Variants in PTPRD observed in about 807,000 individuals in gnomAD.
The protein encoded by PTPRD is receptor-type tyrosine-protein phosphatase delta.
A neutral mutation model predicts 214.5 loss-of-function variants in PTPRD; 34 were observed. That is an observed-to-expected ratio of 0.16 (90% CI 0.12 to 0.21). The LOEUF is 0.21. Among genes scored for constraint, PTPRD ranks in the 10% least tolerant of loss-of-function variants. The pLI is 1.00. For synonymous variants in PTPRD, 1,128 were observed against 845.7 expected (o/e 1.33, Z -5.79); for missense variants, 2,545 against 2,398.7 (o/e 1.06, Z -1.27).
At chr9:8,788,983 A>C (rs2096113090) in intron 11 of PTPRD, among the ~76,000 whole-genome samples, 1 of 152,192 alleles carries the variant, frequency 6.6e-6, no homozygotes, top group Admixed American at 6.5e-5. Context: ...CTAGCTATAT[A>C]TATGCATCAC....
At chr9:9,968,705 C>A (rs1376103406) in intron 4 of PTPRD, among the ~76,000 whole-genome samples, 2 of 151,946 alleles carry the variant, frequency 1.3e-5, no homozygotes, top group East Asian at 3.9e-4. Flanking sequence ...TCTTCCACTC[C>A]TACAAAAAAG....
chr9:8,944,075 A>G (rs2099049791), intron 11 of PTPRD, among the ~76,000 whole-genome samples: 1 of 152,048 alleles, frequency 6.6e-6, no homozygotes, highest in Non-Finnish European at 1.5e-5. Flanking sequence ...TAGTAATCTG[A>G]TTCAAAAATG....
chr9:10,556,297 C>G lies in PTPRD; in HGVS notation c.-600+56101G>C, dbSNP rs550756827. On this transcript the variant is annotated intron_variant, in intron 2 of 45. Transcript: ENST00000381196. ...AAATGTAAAATAATTCGAAATTTTA[C>G]AATGTATGTGATCTTAATAGAGTGG... is the stretch of plus-strand genomic sequence containing the variant. Among the ~76,000 whole-genome samples the G allele has an allele frequency of 8.6e-5, 13 of 151,104 alleles. No individual in the cohort carries two copies. In the South Asian group the frequency reaches 2.5e-3, roughly 29 times the overall value.
At chr9:9,071,347 G>T (rs1283332349) in intron 10 of PTPRD, among the ~76,000 whole-genome samples, 1 of 152,148 alleles carries the variant, frequency 6.6e-6, no homozygotes, top group Non-Finnish European at 1.5e-5. Flanking sequence ...TGCCAAATAG[G>T]TTGATTTTGA....
chr9:10,100,493 T>C (rs921976665), intron 3 of PTPRD, among the ~76,000 whole-genome samples: 8 of 151,560 alleles, frequency 5.3e-5, no homozygotes, highest in Non-Finnish European at 1.2e-4. Context: ...CACTCGGAAA[T>C]ACATTTAGAA....
chr9:8,669,804 C>T (rs1198056943), intron 12 of PTPRD, among the ~76,000 whole-genome samples: 1 of 152,058 alleles, frequency 6.6e-6, no homozygotes, highest in Non-Finnish European at 1.5e-5. Flanking sequence ...TTATGAATAA[C>T]GTGGAGGTTA....
At chr9:10,353,964 C>G (rs912730517) in intron 2 of PTPRD, among the ~76,000 whole-genome samples, 4 of 151,974 alleles carry the variant, frequency 2.6e-5, no homozygotes, top group Admixed American at 2.6e-4. Context: ...TATTAAATAA[C>G]TGAAGCATAA....
chr9:8,390,234 C>T (rs992908868), intron 36 of PTPRD, among the ~76,000 whole-genome samples: 19 of 152,106 alleles, frequency 1.2e-4, no homozygotes, highest in African/African-American at 4.1e-4. Flanking sequence ...AATGGCTTCC[C>T]CTTATACTTC....
chr9:9,420,923 T>C (rs975805559), intron 8 of PTPRD, among the ~76,000 whole-genome samples: 1 of 151,974 alleles, frequency 6.6e-6, no homozygotes, highest in Admixed American at 6.6e-5. Context: ...AGTGGTCTTT[T>C]TTCTCAGTGG....
intron 11 of PTPRD, among the ~76,000 whole-genome samples, chr9:8,848,785 T>A (rs778487000): frequency 6.7e-6 from 1 of 150,070 alleles, no homozygotes; most frequent in Non-Finnish European, 1.5e-5. Flanking sequence ...CTATGTTCCA[T>A]CTTTATTACT....
intron 14 of PTPRD, among the ~76,000 whole-genome samples, chr9:8,545,788 G>A (rs2079934039): frequency 6.6e-6 from 1 of 152,286 alleles, no homozygotes. Flanking sequence ...ATGGATACTT[G>A]TTTATAATTT....
intron 3 of PTPRD, among the ~76,000 whole-genome samples, chr9:10,325,971 G>C (rs1302262817): frequency 6.6e-6 from 1 of 151,614 alleles, no homozygotes; most frequent in Non-Finnish European, 1.5e-5. Context: ...AGATCATTTT[G>C]TTTTCACATT....
chr9:10,590,179 T>A (rs10959182), intron 2 of PTPRD, among the ~76,000 whole-genome samples: 41,184 of 151,856 alleles, frequency 0.27, 6,599 homozygotes, highest in Middle Eastern at 0.38. Context: ...TTAAGAACAA[T>A]CATACAAATT....
intron 4 of PTPRD, among the ~76,000 whole-genome samples, chr9:9,940,450 T>G (rs1284783169): frequency 6.6e-6 from 1 of 152,066 alleles, no homozygotes; most frequent in African/African-American, 2.4e-5. Context: ...ACGGAAGAGA[T>G]CCAGCTAACA....
intron 9 of PTPRD, among the ~76,000 whole-genome samples, chr9:9,199,249 A>G (rs184086845): frequency 6.6e-6 from 1 of 152,330 alleles, no homozygotes; most frequent in East Asian, 1.9e-4. Context: ...CTATTCGTGT[A>G]TTATTGCTGG....
At chr9:9,807,267 C>T (rs1311234632) in intron 5 of PTPRD, among the ~76,000 whole-genome samples, 1 of 152,064 alleles carries the variant, frequency 6.6e-6, no homozygotes, top group Non-Finnish European at 1.5e-5. Flanking sequence ...GTGGAAGATA[C>T]CCTACAAATG....
intron 8 of PTPRD, among the ~76,000 whole-genome samples, chr9:9,555,848 T>C (rs1419221766): frequency 6.6e-6 from 1 of 152,174 alleles, no homozygotes; most frequent in African/African-American, 2.4e-5. Context: ...ATTTAATAAA[T>C]GCAAAACTAA....
chr9:9,896,734 G>T (rs2075083344), intron 5 of PTPRD, among the ~76,000 whole-genome samples: 2 of 151,922 alleles, frequency 1.3e-5, no homozygotes. Context: ...GTTGCTTTGG[G>T]CATCAATTGA....
At chr9:10,384,383 G>C (rs980105506) in intron 2 of PTPRD, among the ~76,000 whole-genome samples, 12 of 151,642 alleles carry the variant, frequency 7.9e-5, no homozygotes, top group South Asian at 2.1e-4. Flanking sequence ...TCTTGACTGG[G>C]TGATTTCCTG....
Sources: allele counts gnomAD v4.1 joint callset (sites outside exome capture counted in the v4.1 genomes callset), GRCh38; gene constraint gnomAD v4.1.1; transcripts MANE v1.5; gene names NCBI Gene and HGNC (gene_info 2026-07-23, HGNC 2026-07-21).